The following NEK5 variants were observed in gnomAD, a reference collection of about 807,000 sequenced individuals.
NEK5 encodes NIMA related kinase 5, also known as serine/threonine-protein kinase Nek5.
A neutral mutation model predicts 109.2 loss-of-function variants in NEK5; 88 were observed. The observed-to-expected ratio is 0.81, with a 90% CI of 0.68 to 0.96. The LOEUF (loss-of-function observed/expected upper bound fraction) is 0.96, where lower values mean the gene tolerates loss of function less well. NEK5 is among the 40% of genes least tolerant of loss of function. NEK5 has a pLI of 0.00. For missense variants in NEK5, 834 were observed against 920.7 expected (o/e 0.91, Z 1.22); for synonymous variants, 283 against 299.9 (o/e 0.94, Z 0.58).
intron 15 of NEK5, among the ~76,000 whole-genome samples, chr13:52,086,731 C>T (rs960264433): frequency 2.0e-5 from 3 of 152,152 alleles, no homozygotes; most frequent in Non-Finnish European, 2.9e-5. Context: ...AAAACAGGGT[C>T]GCTGCAGATG....
At chr13:52,049,177 C>G (rs768721619) in intron 23 of NEK5, among the ~76,000 whole-genome samples, 1 of 152,122 alleles carries the variant, frequency 6.6e-6, no homozygotes, top group Non-Finnish European at 1.5e-5. Flanking sequence ...AATCCCAGCA[C>G]TTTGGGTGGC....
chr13:52,109,281 A>G (rs1955713241), intron 7 of NEK5, among the ~76,000 whole-genome samples: 1 of 151,822 alleles, frequency 6.6e-6, no homozygotes, highest in Non-Finnish European at 1.5e-5. Context: ...TGCCTCATTA[A>G]CTCCTCCTCC....
At chr13:52,068,903 G>A (rs937425449) in intron 20 of NEK5, among the ~76,000 whole-genome samples, 7 of 151,808 alleles carry the variant, frequency 4.6e-5, no homozygotes, top group Admixed American at 3.3e-4. Flanking sequence ...CCCAGGAGGC[G>A]GAGGTTACAG....
At chr13:52,119,231 A>G (rs1955921919) in intron 4 of NEK5, 88 bp downstream of exon 4, 1 of 600,798 alleles carries the variant, frequency 1.7e-6, no homozygotes. Flanking sequence ...AAATTAATTT[A>G]TACACAGTCC....
At chr13:52,095,959 T>TC (rs1395297633) in intron 12 of NEK5, among the ~76,000 whole-genome samples, 2 of 152,076 alleles carry the variant, frequency 1.3e-5, no homozygotes, top group Non-Finnish European at 2.9e-5. Context: ...TGGGGCAGAT[T>TC]CCCCCCTTGC....
intron 15 of NEK5, 109 bp downstream of exon 15, chr13:52,087,229 T>C: frequency 1.6e-6 from 1 of 617,658 alleles, no homozygotes; most frequent in Admixed American, 2.3e-5. Flanking sequence ...AGCATGGTGT[T>C]GACATATTCA....
At chr13:52,088,115 G>A (rs538622979) in intron 14 of NEK5, among the ~76,000 whole-genome samples, 1 of 151,338 alleles carries the variant, frequency 6.6e-6, no homozygotes, top group African/African-American at 2.4e-5. Flanking sequence ...TTTTGGTAGA[G>A]ATAAGGTCTC....
At chr13:52,095,128 G>A (rs1955377426) in intron 12 of NEK5, among the ~76,000 whole-genome samples, 1 of 152,046 alleles carries the variant, frequency 6.6e-6, no homozygotes, top group South Asian at 2.1e-4. Context: ...TAGAGGTGGG[G>A]TCTCAATGTG....
At chr13:52,054,532 C>A (rs1246384061) in intron 22 of NEK5, among the ~76,000 whole-genome samples, 2 of 152,202 alleles carry the variant, frequency 1.3e-5, no homozygotes. Context: ...GTAACCTCTG[C>A]AGACTTAAAA....
At chr13:52,046,048 G>A (rs1954456312) in intron 23 of NEK5, among the ~76,000 whole-genome samples, 1 of 141,358 alleles carries the variant, frequency 7.1e-6, no homozygotes, top group South Asian at 2.2e-4. Context: ...TCCAGTCTGG[G>A]CAACAGAGCG....
chr13:52,122,956 C>T (rs764547105), intron 3 of NEK5, among the ~76,000 whole-genome samples: 14 of 152,182 alleles, frequency 9.2e-5, no homozygotes, highest in Non-Finnish European at 1.3e-4. Flanking sequence ...ATTTCTACAA[C>T]GAACATTTTT....
At chr13:52,101,841 T>C in intron 11 of NEK5, 92 bp downstream of exon 11, 2 of 1,063,680 alleles carry the variant, frequency 1.9e-6, no homozygotes, top group Non-Finnish European at 2.9e-6. Context: ...AAATGTCCAC[T>C]TTCAATATGT....
At chr13:52,056,820 C>T (rs1179536816) in intron 22 of NEK5, among the ~76,000 whole-genome samples, 2 of 151,302 alleles carry the variant, frequency 1.3e-5, no homozygotes, top group African/African-American at 4.8e-5. Context: ...AAATTTATAG[C>T]ACTAAATGCC....
chr13:52,108,854 T>C (rs1955703748), intron 7 of NEK5, among the ~76,000 whole-genome samples: 1 of 152,240 alleles, frequency 6.6e-6, no homozygotes, highest in Non-Finnish European at 1.5e-5. Context: ...CATATAACCG[T>C]GATCACAATG....
At chr13:52,099,978 G>A in intron 11 of NEK5, 102 bp from the exon 12 acceptor site, 1 of 843,698 alleles carries the variant, frequency 1.2e-6, no homozygotes, top group Non-Finnish European at 1.8e-6. Flanking sequence ...TCATAACACA[G>A]TAAGTTTACT....
intron 22 of NEK5, among the ~76,000 whole-genome samples, chr13:52,059,014 G>A (rs1311329134): frequency 1.6e-5 from 2 of 122,412 alleles, no homozygotes; most frequent in African/African-American, 3.1e-5. Flanking sequence ...GAGTGAACAG[G>A]CAACCTACAA....
In NEK5 at chr13:52,101,258, G is replaced by A. The variant is rs138908831; in HGVS notation, c.892+675C>T. 1.9e-3 allele frequency among the ~76,000 whole-genome samples: 287 copies of A among 152,250 alleles called. 1 individual carries two copies. Among genetic ancestry groups the A allele is most frequent in the Middle Eastern group, 0.01 (3 of 294 alleles). ...CTAAAAAAATACAAAAAATTAGCCG[G>A]GAGTGGTGATGGGCGGCTGTAGTCC... is the stretch of plus-strand genomic sequence containing the variant. On this transcript the variant is annotated intron_variant, in intron 11 of 23. Coordinates refer to ENST00000684899, the MANE Select transcript of NEK5 (RefSeq NM_001365552.1).
At chr13:52,101,042 T>G (rs1422705116) in intron 11 of NEK5, among the ~76,000 whole-genome samples, 1 of 152,228 alleles carries the variant, frequency 6.6e-6, no homozygotes, top group African/African-American at 2.4e-5. Flanking sequence ...AGTAATTTTC[T>G]CTTTCTTAAC....
At chr13:52,037,463 G>A (rs1954370374) in intron 23 of NEK5, among the ~76,000 whole-genome samples, 1 of 151,666 alleles carries the variant, frequency 6.6e-6, no homozygotes, top group Non-Finnish European at 1.5e-5. Context: ...AAGAGGAGAG[G>A]AAGAGAGAAT....
Sources: allele counts gnomAD v4.1 joint callset (sites outside exome capture counted in the v4.1 genomes callset), GRCh38; gene constraint gnomAD v4.1.1; transcripts MANE v1.5; gene names NCBI Gene and HGNC (gene_info 2026-07-23, HGNC 2026-07-21).